Variants in IL23R observed in about 807,000 individuals in gnomAD.
The protein encoded by IL23R is interleukin-23 receptor.
A neutral mutation model predicts 56.9 loss-of-function variants in IL23R; 34 were observed. The ratio of observed to expected loss-of-function variants is 0.60; its 90% CI spans 0.45 to 0.80. The LOEUF (loss-of-function observed/expected upper bound fraction) is 0.80, where lower values mean the gene tolerates loss of function less well. Ranked by LOEUF, IL23R falls within the 30% of genes least tolerant of loss-of-function variation. The pLI, the probability that IL23R is intolerant of heterozygous loss-of-function variation, is 0.00. For synonymous variants in IL23R, 230 were observed against 249.2 expected (o/e 0.92, Z 0.73); for missense variants, 635 against 730.0 (o/e 0.87, Z 1.50).
chr1:67,210,475 T>A (rs1288858253), intron 6 of IL23R, among the ~76,000 whole-genome samples: 1 of 152,134 alleles, frequency 6.6e-6, no homozygotes, highest in Non-Finnish European at 1.5e-5. Flanking sequence ...TAAGGTTTTT[T>A]TTTTAGAGAT....
At chr1:67,197,427 A>T (rs1229514919) in intron 4 of IL23R, among the ~76,000 whole-genome samples, 9 of 152,218 alleles carry the variant, frequency 5.9e-5, no homozygotes, top group Non-Finnish European at 4.4e-5. Context: ...AAGAACATGA[A>T]ATAATGGAGT....
At chr1:67,248,848 A>G (rs1031204228) in intron 9 of IL23R, among the ~76,000 whole-genome samples, 15 of 152,172 alleles carry the variant, frequency 9.9e-5, no homozygotes, top group African/African-American at 3.6e-4. Context: ...GGGAAAGCAC[A>G]GTATCTGGGC....
At chr1:67,227,952 TTCTTTC>T (rs1183237613) in intron 7 of IL23R, among the ~76,000 whole-genome samples, 3 of 11,010 alleles carry the variant, frequency 2.7e-4, no homozygotes, top group African/African-American at 2.9e-4. Flanking sequence ...CTTTCTTTCT[TTCTTTC>T]TTTCTTTCTT....
chr1:67,207,087 T>A, intron 6 of IL23R, 32 bp downstream of exon 6: 1 of 1,609,140 alleles, frequency 6.2e-7, no homozygotes, highest in Non-Finnish European at 8.5e-7. Context: ...CTTTAGCATG[T>A]GAATGAATGA....
chr1:67,182,688 T>A, intron 3 of IL23R, 148 bp from the exon 4 acceptor site: 3 of 813,900 alleles, frequency 3.7e-6, no homozygotes, highest in Non-Finnish European at 6.3e-6. Context: ...ACCCGGTACC[T>A]CAGTTGGAAA....
chr1:67,189,380 T>C (rs147557240), intron 4 of IL23R, among the ~76,000 whole-genome samples: 3 of 152,302 alleles, frequency 2.0e-5, no homozygotes, highest in East Asian at 3.9e-4. Context: ...TTTTATAAAT[T>C]ATTTTTCCCA....
intron 6 of IL23R, among the ~76,000 whole-genome samples, chr1:67,209,854 A>T (rs561971052): frequency 6.6e-6 from 1 of 152,328 alleles, no homozygotes; most frequent in Non-Finnish European, 1.5e-5. Flanking sequence ...CTTGCCTTTT[A>T]TTAGTTGCTA....
At position 67,258,465 on chromosome 1, in the gene IL23R, C is replaced by A. The variant is rs778189779; in HGVS notation, c.1240-13C>A. 1 of 1,587,642 alleles carries A rather than the reference C, an allele frequency of 6.3e-7. No homozygotes were observed. The highest frequency in any genetic ancestry group is 8.6e-7 in the Non-Finnish European group (1 of 1,163,940). ...TGTCTTTTGCAAAATAAAATGATGT[C>A]TTTTTTTCCTAGGAAAATAGTGAAC... is the stretch of plus-strand genomic sequence containing the variant. On this transcript the variant is annotated splice_polypyrimidine_tract_variant and intron_variant, in intron 10 of 10. Coordinates refer to ENST00000347310, the MANE Select transcript of IL23R (RefSeq NM_144701.3).
At chr1:67,145,269 C>T (rs12077838) in intron 1 of IL23R, among the ~76,000 whole-genome samples, 8,156 of 152,212 alleles carry the variant, frequency 0.054, 315 homozygotes, top group African/African-American at 0.097. Context: ...ATCACTTGAA[C>T]CCAGGAGACG....
intron 1 of IL23R, among the ~76,000 whole-genome samples, chr1:67,160,777 G>A (rs1029644843): frequency 1.3e-5 from 2 of 152,062 alleles, no homozygotes; most frequent in African/African-American, 4.8e-5. Flanking sequence ...TATCTCTTGG[G>A]TTCAAGCAAT....
chr1:67,228,363 C>CATTTTTTT, intron 7 of IL23R, among the ~76,000 whole-genome samples: 1 of 105,792 alleles, frequency 9.5e-6, no homozygotes, highest in Admixed American at 1.3e-4. Flanking sequence ...TTTTTTCTTC[C>CATTTTTTT]TTTTTTTTTT....
chr1:67,234,288 AT>A (rs1651312183), intron 7 of IL23R, among the ~76,000 whole-genome samples: 1 of 152,148 alleles, frequency 6.6e-6, no homozygotes, highest in Non-Finnish European at 1.5e-5. Context: ...AAATTGTCTT[AT>A]TTTAGATAAC....
intron 4 of IL23R, among the ~76,000 whole-genome samples, chr1:67,184,283 C>T (rs910019733): frequency 2.1e-5 from 3 of 143,792 alleles, no homozygotes; most frequent in Non-Finnish European, 4.6e-5. Flanking sequence ...CGGTGGCTCC[C>T]GCCTGTAATC....
chr1:67,145,696 T>A (rs1292542805), intron 1 of IL23R, among the ~76,000 whole-genome samples: 1 of 152,238 alleles, frequency 6.6e-6, no homozygotes, highest in African/African-American at 2.4e-5. Context: ...AATAATAATA[T>A]GTTTCCTGGA....
intron 7 of IL23R, among the ~76,000 whole-genome samples, chr1:67,219,954 G>C (rs541681698): frequency 6.6e-6 from 1 of 152,092 alleles, no homozygotes. Flanking sequence ...ATTTGTAGTC[G>C]CAGCTACTTG....
chr1:67,147,523 A>G (rs1326114882), intron 1 of IL23R, among the ~76,000 whole-genome samples: 3 of 152,074 alleles, frequency 2.0e-5, no homozygotes, highest in African/African-American at 7.2e-5. Context: ...ACATGGTGAA[A>G]GCCTGTCTCT....
intron 1 of IL23R, among the ~76,000 whole-genome samples, chr1:67,167,287 T>C (rs1187339235): frequency 1.3e-5 from 2 of 152,166 alleles, no homozygotes; most frequent in Non-Finnish European, 2.9e-5. Flanking sequence ...CCCAGCCTGA[T>C]CTCGAACTCC....
chr1:67,238,976 T>C (rs1651680176), intron 8 of IL23R, among the ~76,000 whole-genome samples: 1 of 152,028 alleles, frequency 6.6e-6, no homozygotes, highest in African/African-American at 2.4e-5. Flanking sequence ...GCAAACACAG[T>C]GTCTGCCACA....
At chr1:67,228,278 G>T (rs992517181) in intron 7 of IL23R, among the ~76,000 whole-genome samples, 3 of 148,464 alleles carry the variant, frequency 2.0e-5, no homozygotes, top group Non-Finnish European at 4.5e-5. Flanking sequence ...ATAAGATCTG[G>T]GCTCAAACAA....
Sources: allele counts gnomAD v4.1 joint callset (sites outside exome capture counted in the v4.1 genomes callset), GRCh38; gene constraint gnomAD v4.1.1; transcripts MANE v1.5; gene names NCBI Gene and HGNC (gene_info 2026-07-23, HGNC 2026-07-21).